Variants in RAD50 observed in about 807,000 individuals in gnomAD.
RAD50 encodes the protein DNA repair protein RAD50.
A neutral mutation model predicts 168.8 loss-of-function variants in RAD50; 132 were observed. That is an observed-to-expected ratio of 0.78 (90% CI 0.68 to 0.90). The LOEUF (loss-of-function observed/expected upper bound fraction) is 0.90. Ranked by LOEUF, RAD50 falls within the 40% of genes least tolerant of loss-of-function variation. The pLI is 0.00. For synonymous variants in RAD50, 525 were observed against 497.4 expected, an observed-to-expected ratio of 1.06 and a Z score of -0.74; for missense variants, 1,347 against 1,534.4, an observed-to-expected ratio of 0.88 and a Z score of 2.04.
chr5:132,574,778 G>C (rs1255033030), intron 2 of RAD50, among the ~76,000 whole-genome samples: 1 of 152,106 alleles, frequency 6.6e-6, no homozygotes, highest in Non-Finnish European at 1.5e-5. Context: ...TCTCTCTCAA[G>C]TTCAAAGGTC....
At chr5:132,588,654 G>GA (rs751592069) in intron 7 of RAD50, 33 bp from the exon 8 acceptor site, 226 of 1,570,006 alleles carry the variant, frequency 1.4e-4, no homozygotes, top group Admixed American at 8.2e-4. Flanking sequence ...AGCACCAGTT[G>GA]AAAAAAAAAT....
intron 13 of RAD50, among the ~76,000 whole-genome samples, chr5:132,602,258 C>CT (rs1254555555): frequency 2.0e-5 from 3 of 152,070 alleles, no homozygotes; most frequent in Admixed American, 2.0e-4. Context: ...TCTGGTTATT[C>CT]TTTAAGTTTA....
intron 13 of RAD50, among the ~76,000 whole-genome samples, chr5:132,597,360 TAAAAC>T (rs1241695653): frequency 6.6e-6 from 1 of 152,222 alleles, no homozygotes; most frequent in African/African-American, 2.4e-5. Flanking sequence ...ATATAACTGA[TAAAAC>T]AGGCAGAAGT....
At chr5:132,585,757 A>G in intron 5 of RAD50, among the ~76,000 whole-genome samples, 1 of 151,612 alleles carries the variant, frequency 6.6e-6, no homozygotes, top group East Asian at 1.9e-4. Context: ...GCACACACTC[A>G]CCACACCGGT....
rs1580994761 is a variant in RAD50 at position 132,591,881 on chromosome 5, A to G, written c.1640A>G (p.Asp547Gly). 1 of 1,598,868 alleles carries G rather than the reference A, an allele frequency of 6.3e-7. No individual in the cohort carries two copies. Among genetic ancestry groups the G allele is most frequent in the South Asian group, 1.1e-5 (1 of 90,396 alleles). ...AGATTTTTTTTTTACCTATAGGCTG[A>G]CAAAGATGAACAAATCAGAAAAATA... ...QMEMLTKDKA[D>G]KDEQIRKIKS... is the part of the protein sequence containing the mutation. The change falls in exon 11 of 25, where the codon GAC becomes GGC. Residue 547 changes from aspartate (D) to glycine (G), a missense_variant. Physicochemically the swap from Asp to Gly is moderately conservative, Grantham distance 94 (BLOSUM62 -1). Around this residue, in one of 3 missense-constraint regions of RAD50, gnomAD observed 703 missense variants for 767.7 expected, o/e 0.92. Coordinates refer to ENST00000378823, the MANE Select transcript of RAD50 (RefSeq NM_005732.4).
chr5:132,620,106 C>T (rs938148201), intron 21 of RAD50, among the ~76,000 whole-genome samples: 10 of 151,776 alleles, frequency 6.6e-5, no homozygotes, highest in African/African-American at 1.9e-4. Flanking sequence ...GGGGTTTCAC[C>T]GTGTTAGCCA....
chr5:132,611,259 C>CA (rs1751079902), intron 19 of RAD50, among the ~76,000 whole-genome samples: 1 of 152,040 alleles, frequency 6.6e-6, no homozygotes. Context: ...GGTGTGGTGA[C>CA]ACGCGCCTGT....
At chr5:132,600,417 G>C (rs1276690997) in intron 13 of RAD50, among the ~76,000 whole-genome samples, 1 of 152,204 alleles carries the variant, frequency 6.6e-6, no homozygotes, top group Non-Finnish European at 1.5e-5. Flanking sequence ...CAAAATCTCT[G>C]AGACATATTT....
intron 21 of RAD50, among the ~76,000 whole-genome samples, chr5:132,618,872 C>T (rs1268519901): frequency 3.9e-5 from 6 of 152,216 alleles, no homozygotes; most frequent in Non-Finnish European, 5.9e-5. Context: ...CACTTAGATG[C>T]TCCCTTCTTA....
At chr5:132,611,117 G>A (rs1242125649) in intron 19 of RAD50, among the ~76,000 whole-genome samples, 3 of 152,202 alleles carry the variant, frequency 2.0e-5, no homozygotes, top group African/African-American at 7.2e-5. Context: ...GAGGCCAGGC[G>A]CAGTGACTCA....
intron 2 of RAD50, among the ~76,000 whole-genome samples, chr5:132,560,502 A>G (rs892977043): frequency 6.6e-5 from 10 of 152,210 alleles, no homozygotes; most frequent in Non-Finnish European, 8.8e-5. Context: ...TCTACAATCT[A>G]CTTTCCTTAA....
Position 132,579,858 on chromosome 5 carries a change from A to G in RAD50, c.552-4A>G. ...AATTTGATTTTTGTTTCATATCTTCAAAGATACATTAAAGCCTTAGAAACA... is the reference window on the plus strand; with the variant it reads ...AATTTGATTTTTGTTTCATATCTTCGAAGATACATTAAAGCCTTAGAAACA... On this transcript the variant is annotated splice_region_variant and splice_polypyrimidine_tract_variant and intron_variant, in intron 4 of 24. Coordinates refer to ENST00000378823, the MANE Select transcript of RAD50 (RefSeq NM_005732.4). The G allele has an allele frequency of 6.2e-7, 1 of 1,606,448 alleles. No homozygotes were observed. Among genetic ancestry groups the G allele is most frequent in the Non-Finnish European group, 8.5e-7 (1 of 1,173,348 alleles).
intron 5 of RAD50, among the ~76,000 whole-genome samples, chr5:132,581,658 A>G (rs2246176): frequency 0.33 from 50,380 of 151,988 alleles, 10,930 homozygotes; most frequent in African/African-American, 0.63. Flanking sequence ...GAACAGGATT[A>G]TGAGAGGAAG....
chr5:132,579,744 C>T (rs1406403388), intron 4 of RAD50, 118 bp from the exon 5 acceptor site: 3 of 974,726 alleles, frequency 3.1e-6, no homozygotes, highest in East Asian at 2.6e-5. Flanking sequence ...AGGCATTTTA[C>T]AAGTTATTAA....
chr5:132,589,643 GA>G lies in RAD50; in HGVS notation c.1263del (p.Glu422ArgfsTer3), dbSNP rs1178573189. On this transcript the variant is annotated frameshift_variant, in exon 9 of 25. Coordinates refer to ENST00000378823, the MANE Select transcript of RAD50 (RefSeq NM_005732.4). LOFTEE classifies it high-confidence loss of function. ...CATATGCATTTAGAATGACTTTGCA[GA>G]AAAAGAGACTCTGAAACAAAAACAG... ...TANQLMNDFA[E>X]KETLKQKQID... 1 of 1,589,718 alleles carries G rather than the reference GA, an allele frequency of 6.3e-7. No homozygotes were observed. The highest frequency in any genetic ancestry group is 1.8e-5 in the Admixed American group (1 of 56,618).
intron 21 of RAD50, among the ~76,000 whole-genome samples, chr5:132,627,706 C>G (rs1331596444): frequency 6.6e-6 from 1 of 152,182 alleles, no homozygotes; most frequent in Non-Finnish European, 1.5e-5. Flanking sequence ...TTATTTCATT[C>G]TAACTGCATT....
intron 9 of RAD50, 26 bp from the exon 10 acceptor site, chr5:132,591,198 T>A: frequency 6.3e-7 from 1 of 1,575,988 alleles, no homozygotes; most frequent in Non-Finnish European, 8.7e-7. Context: ...TATAACACCT[T>A]TGCATTTGTA....
rs936565731 is a variant in RAD50, at chr5:132,643,908, T to A, written c.*1544T>A. ...GAAGGTGAAAAAAATTCTGAAAAAA[T>A]TCTAGCAGCTATATTTGATAAAATT... On this transcript the variant is annotated 3_prime_UTR_variant, in exon 25 of 25. Transcript: ENST00000378823. 13 of 231,230 alleles carry A rather than the reference T, an allele frequency of 5.6e-5. No individual in the cohort carries two copies. The highest frequency in any genetic ancestry group is 1.0e-4 in the Non-Finnish European group (12 of 117,100). The allele number at this position is 231,230 out of a possible 1,614,324, so 14.3% of individuals were successfully genotyped here.
At chr5:132,627,534 G>A (rs1030117566) in intron 21 of RAD50, among the ~76,000 whole-genome samples, 1 of 152,174 alleles carries the variant, frequency 6.6e-6, no homozygotes, top group African/African-American at 2.4e-5. Flanking sequence ...AAAATGGGGT[G>A]CAGGCGTTCC....
Sources: allele counts gnomAD v4.1 joint callset (sites outside exome capture counted in the v4.1 genomes callset), GRCh38; gene constraint gnomAD v4.1.1; regional missense constraint gnomAD v4.1.1; transcripts MANE v1.5; gene names NCBI Gene and HGNC (gene_info 2026-07-23, HGNC 2026-07-21).